Variants in EBF2 observed in about 807,000 individuals in gnomAD.
The protein encoded by EBF2 is EBF transcription factor 2.
Under a neutral mutation model 72.8 loss-of-function variants are expected in EBF2, and 21 were observed. That is an observed-to-expected ratio of 0.29 (90% CI 0.20 to 0.42). The LOEUF is 0.42. Ranked by LOEUF, EBF2 falls within the 10% of genes least tolerant of loss-of-function variation. The probability of loss-of-function intolerance (pLI) is 1.00; values close to 1 mark genes in which losing one functional copy is unlikely to be tolerated. For missense variants in EBF2, 637 were observed against 731.2 expected (o/e 0.87, Z 1.49); for synonymous variants, 299 against 274.2 (o/e 1.09, Z -0.89).
At chr8:25,851,288 C>T (rs951985826) in intron 14 of EBF2, among the ~76,000 whole-genome samples, 1 of 152,146 alleles carries the variant, frequency 6.6e-6, no homozygotes, top group African/African-American at 2.4e-5. Context: ...GCCACTTCCT[C>T]ATTAAATGTA....
chr8:25,920,364 C>T (rs572941175), intron 6 of EBF2, among the ~76,000 whole-genome samples: 11 of 152,280 alleles, frequency 7.2e-5, no homozygotes, highest in African/African-American at 2.4e-4. Flanking sequence ...TGGAGGCTTT[C>T]GCCACTTCCT....
chr8:26,031,326 G>C (rs1211278205), intron 6 of EBF2: 2 of 118,582 alleles, frequency 1.7e-5, no homozygotes, highest in Admixed American at 1.6e-4. Context: ...CAACTCATCA[G>C]TTAGGACAGA....
intron 6 of EBF2, among the ~76,000 whole-genome samples, chr8:25,995,396 G>C (rs574054420): frequency 1.3e-5 from 2 of 152,024 alleles, no homozygotes; most frequent in African/African-American, 4.8e-5. Flanking sequence ...AAATACAACA[G>C]ATGAAAGAAA....
rs1278434742 is a variant in EBF2 at position 26,029,935 on chromosome 8, C to T, written c.551+3150G>A. ...CTTTTTTTTCTTTTCTTTTCTGAGA[C>T]AGGTCTCCCTCTGTCATCCAGGCTG... is the stretch of plus-strand genomic sequence containing the variant. On this transcript the variant is annotated intron_variant, in intron 6 of 15. Transcript: ENST00000520164. Among the ~76,000 whole-genome samples the T allele has an allele frequency of 2.0e-5, 3 of 152,060 alleles. No individual in the cohort carries two copies. In the East Asian group the frequency reaches 5.8e-4, roughly 29 times the overall value.
At chr8:25,986,926 G>T (rs561916467) in intron 6 of EBF2, among the ~76,000 whole-genome samples, 2 of 152,298 alleles carry the variant, frequency 1.3e-5, no homozygotes, top group Non-Finnish European at 2.9e-5. Flanking sequence ...AACATGGGGA[G>T]CCCAGGCCTC....
intron 2 of EBF2, 32 bp from the exon 3 acceptor site, chr8:26,041,034 C>T: frequency 6.2e-7 from 1 of 1,612,294 alleles, no homozygotes; most frequent in Non-Finnish European, 8.5e-7. Context: ...GATTCCCTTG[C>T]CTTTCAGCCC....
intron 10 of EBF2, among the ~76,000 whole-genome samples, chr8:25,877,715 A>C (rs551741304): frequency 5.9e-5 from 9 of 152,202 alleles, no homozygotes; most frequent in Admixed American, 5.9e-4. Flanking sequence ...GGTTCTCTGG[A>C]GTCTCCCGCA....
intron 5 of EBF2, among the ~76,000 whole-genome samples, chr8:26,037,704 T>G (rs2117262747): frequency 6.6e-6 from 1 of 152,296 alleles, no homozygotes; most frequent in South Asian, 2.1e-4. Context: ...CTCTGAGCAT[T>G]GAGGGCTCAG....
At chr8:26,003,793 C>T (rs944176548) in intron 6 of EBF2, among the ~76,000 whole-genome samples, 2 of 152,132 alleles carry the variant, frequency 1.3e-5, no homozygotes, top group African/African-American at 4.8e-5. Flanking sequence ...ACCCACCCCA[C>T]CAAATTCACA....
At chr8:25,973,121 C>A (rs1282143475) in intron 6 of EBF2, among the ~76,000 whole-genome samples, 1 of 152,058 alleles carries the variant, frequency 6.6e-6, no homozygotes, top group Non-Finnish European at 1.5e-5. Context: ...GTATGGAACA[C>A]AATTAGGTGA....
intron 10 of EBF2, among the ~76,000 whole-genome samples, chr8:25,866,339 G>T (rs1003831469): frequency 6.7e-6 from 1 of 150,086 alleles, no homozygotes; most frequent in Non-Finnish European, 1.5e-5. Context: ...TATTTATCAT[G>T]GTTCAATAAG....
At chr8:25,990,020 G>A (rs1804519940) in intron 6 of EBF2, among the ~76,000 whole-genome samples, 1 of 152,144 alleles carries the variant, frequency 6.6e-6, no homozygotes, top group South Asian at 2.1e-4. Context: ...AGCCTTGAAG[G>A]TTGCAGTAGA....
At chr8:25,921,398 C>A (rs1351707321) in intron 6 of EBF2, among the ~76,000 whole-genome samples, 1 of 152,010 alleles carries the variant, frequency 6.6e-6, no homozygotes, top group African/African-American at 2.4e-5. Context: ...GAATTTGATA[C>A]AAAAGGCATT....
At chr8:25,986,121 C>T (rs2117204476) in intron 6 of EBF2, among the ~76,000 whole-genome samples, 1 of 150,180 alleles carries the variant, frequency 6.7e-6, no homozygotes, top group African/African-American at 2.4e-5. Flanking sequence ...ATTTGTTGAG[C>T]AACTATTATA....
intron 10 of EBF2, among the ~76,000 whole-genome samples, chr8:25,882,284 G>A (rs1186404932): frequency 3.3e-5 from 5 of 152,130 alleles, no homozygotes; most frequent in South Asian, 2.1e-4. Flanking sequence ...CAGCCCCGTC[G>A]CATGCCCTGC....
intron 5 of EBF2, among the ~76,000 whole-genome samples, chr8:26,037,816 GA>G (rs371913192): frequency 9.2e-5 from 14 of 151,366 alleles, no homozygotes; most frequent in African/African-American, 2.7e-4. Context: ...GGGGAAGGGA[GA>G]AAAAAAAAGT....
At chr8:25,890,452 G>A (rs548430166) in intron 7 of EBF2, among the ~76,000 whole-genome samples, 1 of 152,358 alleles carries the variant, frequency 6.6e-6, no homozygotes, top group African/African-American at 2.4e-5. Context: ...AGCATCTAAT[G>A]AGGGTGAGGG....
In EBF2 at chr8:26,044,719, G is replaced by A. The variant is rs745588825; in HGVS notation, c.131+10C>T. On this transcript the variant is annotated intron_variant, in intron 1 of 15. Transcript: ENST00000520164. The surrounding 1 kb of genome is among the most constrained non-coding windows in gnomAD (Gnocchi z 4.1). ...GAGACAGCATAATAATTGCGCGGCC[G>A]TGTCGTTACCTCTGCGCGGCGACAT... 5.0e-6 allele frequency: 8 copies of A among 1,613,226 alleles called. No homozygotes were observed. Among genetic ancestry groups the A allele is most frequent in the East Asian group, 4.5e-5 (2 of 44,866 alleles).
chr8:25,869,250 A>G (rs530010269), intron 10 of EBF2, among the ~76,000 whole-genome samples: 1 of 152,280 alleles, frequency 6.6e-6, no homozygotes, highest in Non-Finnish European at 1.5e-5. Context: ...TGCTCTGGAT[A>G]TAGAATAGTT....
Sources: allele counts gnomAD v4.1 joint callset (sites outside exome capture counted in the v4.1 genomes callset), GRCh38; gene constraint gnomAD v4.1.1; non-coding constraint Gnocchi (gnomAD v3.1); transcripts MANE v1.5; gene names NCBI Gene and HGNC (gene_info 2026-07-23, HGNC 2026-07-21).